Variants in TNR observed in about 807,000 individuals in gnomAD.
TNR encodes tenascin-R.
A neutral mutation model predicts 150.4 loss-of-function variants in TNR; 45 were observed. The ratio of observed to expected loss-of-function variants is 0.30; its 90% CI spans 0.24 to 0.38. TNR has a LOEUF of 0.38. TNR is among the 10% of genes least tolerant of loss of function. The pLI is 1.00. For synonymous variants in TNR, 687 were observed against 678.4 expected (o/e 1.01, Z -0.20); for missense variants, 1,544 against 1,759.1 (o/e 0.88, Z 2.19).
chr1:175,402,361 CT>C lies in TNR; in HGVS notation c.976+778del, dbSNP rs765661528. 3.4e-3 allele frequency among the ~76,000 whole-genome samples: 429 copies of C among 126,240 alleles called. 1 individual carries two copies. Among genetic ancestry groups the C allele is most frequent in the African/African-American group, 6.8e-3 (237 of 34,882 alleles). 82.8% of individuals were successfully genotyped at this position (126,240 alleles called of 152,430 possible). On this transcript the variant is annotated intron_variant, in intron 4 of 22. Coordinates refer to ENST00000367674, the MANE Select transcript of TNR (RefSeq NM_003285.3). The stretch of plus-strand genomic sequence containing the variant: ...AAAGGGAATCAGCCCCAATGAGATA[CT>C]TTTTTTTTTTTTTCTCACTGTTGGG...
At chr1:175,427,965 C>CA (rs918851589) in intron 2 of TNR, among the ~76,000 whole-genome samples, 68 of 150,868 alleles carry the variant, frequency 4.5e-4, no homozygotes, top group Non-Finnish European at 6.9e-4. Context: ...CTCCCAGCAC[C>CA]AAAAAATGCA....
At chr1:175,539,905 C>T (rs1222934738) in intron 1 of TNR, among the ~76,000 whole-genome samples, 3 of 151,964 alleles carry the variant, frequency 2.0e-5, no homozygotes, top group Admixed American at 6.6e-5. Flanking sequence ...GTCTGGGACA[C>T]CCAGAGAGAA....
chr1:175,445,502 G>A (rs1457810324), intron 2 of TNR, among the ~76,000 whole-genome samples: 1 of 152,076 alleles, frequency 6.6e-6, no homozygotes, highest in Non-Finnish European at 1.5e-5. Flanking sequence ...AACACAAAAA[G>A]TGTTGACTTT....
chr1:175,356,213 T>C, intron 16 of TNR, 106 bp downstream of exon 16: 1 of 1,466,076 alleles, frequency 6.8e-7, no homozygotes. Flanking sequence ...AGCTCATAGC[T>C]GCCCTGTCCA....
chr1:175,533,005 A>C (rs1266244991), intron 1 of TNR, among the ~76,000 whole-genome samples: 3 of 152,210 alleles, frequency 2.0e-5, no homozygotes, highest in African/African-American at 7.2e-5. Context: ...GAAGGGTATG[A>C]ATGCCACAAA....
chr1:175,641,916 T>C (rs1016725689), intron 1 of TNR, among the ~76,000 whole-genome samples: 1 of 152,162 alleles, frequency 6.6e-6, no homozygotes, highest in East Asian at 1.9e-4. Flanking sequence ...TTCGGTTCAG[T>C]TTAAAAGACA....
intron 1 of TNR, among the ~76,000 whole-genome samples, chr1:175,692,283 C>A (rs1206243949): frequency 6.9e-6 from 1 of 145,124 alleles, no homozygotes. Context: ...CCTGGCTCTG[C>A]CCCTGGCAAT....
intron 1 of TNR, among the ~76,000 whole-genome samples, chr1:175,727,395 C>A (rs148096095): frequency 2.6e-5 from 4 of 152,224 alleles, no homozygotes; most frequent in Non-Finnish European, 5.9e-5. Context: ...GAGACCTTGA[C>A]AAGAGCAGTC....
chr1:175,359,514 A>G, intron 15 of TNR, 98 bp downstream of exon 15: 1 of 1,589,012 alleles, frequency 6.3e-7, no homozygotes, highest in Non-Finnish European at 8.6e-7. Flanking sequence ...TCTGTCCTTC[A>G]GATTGAAAAA....
At position 175,703,553 on chromosome 1, in the gene TNR, T is replaced by C. The variant is rs56070354; in HGVS notation, c.-165+39673A>G. On this transcript the variant is annotated intron_variant, in intron 1 of 22. Coordinates refer to ENST00000367674, the MANE Select transcript of TNR (RefSeq NM_003285.3). ...CCTAGACTCAGTTAACACTTGGCTGTACTGATGACTTTAATTAAGATGTAA... is the reference window on the plus strand; with the variant it reads ...CCTAGACTCAGTTAACACTTGGCTGCACTGATGACTTTAATTAAGATGTAA... 4.7e-3 allele frequency among the ~76,000 whole-genome samples: 709 copies of C among 152,348 alleles called. 3 individuals are homozygous for C. The highest frequency in any genetic ancestry group is 0.016 in the African/African-American group (674 of 41,576).
chr1:175,525,860 C>G (rs149909673), intron 2 of TNR, among the ~76,000 whole-genome samples: 189 of 152,260 alleles, frequency 1.2e-3, no homozygotes, highest in African/African-American at 4.3e-3. Flanking sequence ...AAGGGCAAAT[C>G]GTGTTTTTAG....
At chr1:175,419,522 G>T (rs965276273) in intron 2 of TNR, among the ~76,000 whole-genome samples, 1 of 152,032 alleles carries the variant, frequency 6.6e-6, no homozygotes, top group African/African-American at 2.4e-5. Context: ...ACTTGTGCAT[G>T]GTGTCCAATT....
chr1:175,621,665 AC>A (rs763118694), intron 1 of TNR, among the ~76,000 whole-genome samples: 4 of 152,174 alleles, frequency 2.6e-5, no homozygotes, highest in Admixed American at 1.3e-4. Flanking sequence ...TTAGCTACCT[AC>A]CCTTCAATGT....
At chr1:175,383,387 T>C (rs771106375) in intron 8 of TNR, among the ~76,000 whole-genome samples, 1 of 152,166 alleles carries the variant, frequency 6.6e-6, no homozygotes, top group Non-Finnish European at 1.5e-5. Flanking sequence ...GCTTGGAACA[T>C]TGAGGGATCT....
intron 1 of TNR, among the ~76,000 whole-genome samples, chr1:175,538,395 T>C (rs1660376355): frequency 6.6e-6 from 1 of 152,198 alleles, no homozygotes; most frequent in Non-Finnish European, 1.5e-5. Context: ...TTCCCAAATA[T>C]GGAAGTATAA....
At chr1:175,528,894 C>A (rs1659951651) in intron 1 of TNR, among the ~76,000 whole-genome samples, 1 of 152,214 alleles carries the variant, frequency 6.6e-6, no homozygotes, top group Non-Finnish European at 1.5e-5. Flanking sequence ...GAGTCTTCAA[C>A]TTTCTCACTG....
intron 19 of TNR, 82 bp downstream of exon 19, chr1:175,337,446 A>G: frequency 6.5e-7 from 1 of 1,540,878 alleles, no homozygotes; most frequent in Non-Finnish European, 8.9e-7. Context: ...GAGGATGGTG[A>G]AGTTGGCTTG....
intron 2 of TNR, among the ~76,000 whole-genome samples, chr1:175,476,719 G>T (rs961047343): frequency 2.0e-5 from 3 of 152,176 alleles, no homozygotes; most frequent in Non-Finnish European, 4.4e-5. Context: ...GCATTATCGG[G>T]TAATAACACC....
At chr1:175,394,364 GC>G (rs904630174) in intron 5 of TNR, among the ~76,000 whole-genome samples, 45 of 152,166 alleles carry the variant, frequency 3.0e-4, no homozygotes, top group African/African-American at 1.0e-3. Flanking sequence ...GAGAAAGCTG[GC>G]TAAAGTTGTG....
Sources: gnomAD v4.1 joint callset for allele counts (sites outside exome capture counted in the v4.1 genomes callset) on GRCh38, gnomAD v4.1.1 for gene constraint, MANE v1.5 for transcripts, NCBI Gene and HGNC (gene_info 2026-07-23, HGNC 2026-07-21) for gene names.